The following ASAP1 variants were observed in gnomAD, a reference collection of about 807,000 sequenced individuals.
ASAP1 encodes the protein ArfGAP with SH3 domain, ankyrin repeat and PH domain 1, also known as arf-GAP with SH3 domain, ANK repeat and PH domain-containing protein 1.
Under a neutral mutation model 145.2 loss-of-function variants are expected in ASAP1, and 43 were observed. That is an observed-to-expected ratio of 0.30 (90% confidence interval 0.23 to 0.38). ASAP1 has a LOEUF of 0.38. Ranked by LOEUF, ASAP1 falls within the 10% of genes least tolerant of loss-of-function variation. ASAP1 has a pLI of 1.00. For synonymous variants in ASAP1, 546 were observed against 515.5 expected (o/e 1.06, Z -0.80); for missense variants, 1,018 against 1,355.3 (o/e 0.75, Z 3.91).
At chr8:130,402,907 A>G (rs1271310808) in intron 1 of ASAP1, among the ~76,000 whole-genome samples, 1 of 129,286 alleles carries the variant, frequency 7.7e-6, no homozygotes, top group Admixed American at 7.5e-5. Context: ...AAAGCAGAAT[A>G]ATCTTTTGTG....
At chr8:130,324,471 T>C (rs1433466710) in intron 3 of ASAP1, among the ~76,000 whole-genome samples, 1 of 152,188 alleles carries the variant, frequency 6.6e-6, no homozygotes, top group Non-Finnish European at 1.5e-5. Flanking sequence ...GATCTAAGTC[T>C]GACCCCTTTG....
Position 130,358,818 on chromosome 8 carries a change from G to T in ASAP1, c.60-675C>A, listed in dbSNP as rs1428392290. Among the ~76,000 whole-genome samples, 2 of 151,142 alleles carry T rather than the reference G, an allele frequency of 1.3e-5. No individual in the cohort carries two copies. The highest frequency in any genetic ancestry group is 2.4e-5 in the African/African-American group (1 of 41,194). ...GAAGCTGCCGCTCCCGACCCCGGCT[G>T]CGCGGCACGGGGGCTCCGGAAGCCC... On this transcript the variant is annotated intron_variant, in intron 2 of 29. Coordinates refer to ENST00000518721, the MANE Select transcript of ASAP1 (RefSeq NM_018482.4). The surrounding 1 kb of genome is among the most constrained non-coding windows in gnomAD (Gnocchi z 4.1).
At chr8:130,284,379 C>A (rs150821166) in intron 3 of ASAP1, among the ~76,000 whole-genome samples, 5 of 152,042 alleles carry the variant, frequency 3.3e-5, no homozygotes, top group Non-Finnish European at 5.9e-5. Context: ...GTAATTTAGC[C>A]ACAAAGTATG....
intron 1 of ASAP1, among the ~76,000 whole-genome samples, chr8:130,407,497 T>C (rs1455050331): frequency 1.3e-5 from 2 of 152,208 alleles, no homozygotes; most frequent in African/African-American, 2.4e-5. Context: ...GCTCAATAAA[T>C]ATCTGTCGAA....
At chr8:130,104,750 G>C (rs2097534268) in intron 24 of ASAP1, among the ~76,000 whole-genome samples, 1 of 152,186 alleles carries the variant, frequency 6.6e-6, no homozygotes. Flanking sequence ...CATGATGTAA[G>C]TCAGGAGGAT....
chr8:130,178,821 G>C (rs370740218), intron 9 of ASAP1, among the ~76,000 whole-genome samples: 5 of 152,044 alleles, frequency 3.3e-5, no homozygotes, highest in African/African-American at 1.2e-4. Flanking sequence ...CCCAGGAGGC[G>C]GAGATTAGAG....
intron 3 of ASAP1, among the ~76,000 whole-genome samples, chr8:130,346,717 C>A (rs1383602485): frequency 1.3e-5 from 2 of 148,466 alleles, no homozygotes; most frequent in Non-Finnish European, 3.0e-5. Flanking sequence ...ACTGACTTGG[C>A]ACCAGTTTAT....
intron 3 of ASAP1, among the ~76,000 whole-genome samples, chr8:130,323,650 C>T (rs1293524050): frequency 6.6e-6 from 1 of 152,180 alleles, no homozygotes; most frequent in Non-Finnish European, 1.5e-5. Context: ...AGCCAGAATG[C>T]AGCCTCCACT....
intron 3 of ASAP1, among the ~76,000 whole-genome samples, chr8:130,303,366 T>C (rs1389929904): frequency 6.6e-6 from 1 of 152,184 alleles, no homozygotes; most frequent in Admixed American, 6.5e-5. Context: ...ACTGATATTC[T>C]GAACTGGATG....
At chr8:130,372,927 GACAC>G (rs751788822) in intron 2 of ASAP1, among the ~76,000 whole-genome samples, 2 of 151,538 alleles carry the variant, frequency 1.3e-5, no homozygotes, top group Non-Finnish European at 2.9e-5. Flanking sequence ...CACATACACA[GACAC>G]ACACGCATAC....
chr8:130,335,213 C>A (rs1824955455), intron 3 of ASAP1, among the ~76,000 whole-genome samples: 1 of 152,234 alleles, frequency 6.6e-6, no homozygotes, highest in South Asian at 2.1e-4. Flanking sequence ...TTTGATGACA[C>A]TGATCATCTT....
intron 3 of ASAP1, among the ~76,000 whole-genome samples, chr8:130,270,897 C>T: frequency 6.8e-6 from 1 of 146,908 alleles, no homozygotes; most frequent in East Asian, 1.9e-4. Flanking sequence ...AGAAATCTTT[C>T]CTGTAAGTAT....
At chr8:130,062,990 C>T (rs2097422611) in intron 27 of ASAP1, among the ~76,000 whole-genome samples, 2 of 151,662 alleles carry the variant, frequency 1.3e-5, no homozygotes, top group African/African-American at 4.9e-5. Flanking sequence ...CAACAAACAA[C>T]AATGATATGT....
chr8:130,221,326 T>C (rs1307257675), intron 4 of ASAP1, among the ~76,000 whole-genome samples: 1 of 152,146 alleles, frequency 6.6e-6, no homozygotes, highest in Non-Finnish European at 1.5e-5. Context: ...GAACATTTTC[T>C]GCCTAAAAGC....
chr8:130,315,324 T>C (rs2137588615), intron 3 of ASAP1, among the ~76,000 whole-genome samples: 1 of 152,078 alleles, frequency 6.6e-6, no homozygotes, highest in East Asian at 1.9e-4. Context: ...AGAGAGATCA[T>C]ATAACATAAT....
chr8:130,215,547 T>A (rs908166911), intron 4 of ASAP1, among the ~76,000 whole-genome samples: 1 of 151,934 alleles, frequency 6.6e-6, no homozygotes, highest in African/African-American at 2.4e-5. Context: ...ATCGAGACCA[T>A]CCTGACTAAC....
At chr8:130,423,835 G>A (rs936183922) in intron 1 of ASAP1, among the ~76,000 whole-genome samples, 2 of 151,870 alleles carry the variant, frequency 1.3e-5, no homozygotes, top group African/African-American at 4.8e-5. Flanking sequence ...CATTTACTAT[G>A]TTTACATTTG....
intron 3 of ASAP1, among the ~76,000 whole-genome samples, chr8:130,310,840 T>G (rs930913567): frequency 6.6e-6 from 1 of 152,202 alleles, no homozygotes; most frequent in Non-Finnish European, 1.5e-5. Flanking sequence ...TCCCTATATA[T>G]TTGAGCTTTA....
chr8:130,162,783 ACTCCAGCCTGGG>A (rs1361249903), intron 11 of ASAP1, among the ~76,000 whole-genome samples: 2 of 149,642 alleles, frequency 1.3e-5, no homozygotes, highest in Non-Finnish European at 3.0e-5. Context: ...GCGCCACTGC[ACTCCAGCCTGGG>A]CGACAGAGGG....
Sources: gnomAD v4.1 joint callset for allele counts (sites outside exome capture counted in the v4.1 genomes callset) on GRCh38, gnomAD v4.1.1 for gene constraint, Gnocchi (gnomAD v3.1) non-coding constraint, MANE v1.5 for transcripts, NCBI Gene and HGNC (gene_info 2026-07-23, HGNC 2026-07-21) for gene names.